Variants in AFAP1 observed in about 807,000 individuals in gnomAD.
AFAP1 encodes the protein actin filament-associated protein 1.
A neutral mutation model predicts 93.9 loss-of-function variants in AFAP1; 75 were observed. The ratio of observed to expected loss-of-function variants is 0.80; its 90% confidence interval spans 0.66 to 0.97. The LOEUF (loss-of-function observed/expected upper bound fraction) is 0.97, where lower values mean the gene tolerates loss of function less well. Among genes scored for constraint, AFAP1 ranks in the 50% least tolerant of loss-of-function variants. The pLI is 0.00. For missense variants in AFAP1, 1,201 were observed against 1,050.8 expected (o/e 1.14, Z -1.98); for synonymous variants, 517 against 430.7 (o/e 1.20, Z -2.48).
intron 5 of AFAP1, chr4:7,842,910 T>C (rs753615892): frequency 5.7e-6 from 3 of 529,876 alleles, no homozygotes; most frequent in Non-Finnish European, 1.0e-5. Flanking sequence ...GTTCGCTGGC[T>C]GCTTTTGGAG....
chr4:7,764,131 T>G (rs1714210831), intron 17 of AFAP1, among the ~76,000 whole-genome samples: 1 of 152,230 alleles, frequency 6.6e-6, no homozygotes, highest in Non-Finnish European at 1.5e-5. Context: ...AAGGGCCTTC[T>G]GACACACGCT....
At chr4:7,787,338 A>T (rs549788278) in intron 11 of AFAP1, among the ~76,000 whole-genome samples, 2 of 152,246 alleles carry the variant, frequency 1.3e-5, no homozygotes, top group Non-Finnish European at 2.9e-5. Flanking sequence ...CTTTCATAGT[A>T]AACTGGTAAT....
intron 16 of AFAP1, among the ~76,000 whole-genome samples, chr4:7,770,274 GA>G (rs1715235847): frequency 6.6e-6 from 1 of 152,200 alleles, no homozygotes; most frequent in South Asian, 2.1e-4. Context: ...GGGCCAGAGG[GA>G]AGCTCGAGCC....
At chr4:7,818,633 C>T (rs779303030) in intron 7 of AFAP1, among the ~76,000 whole-genome samples, 5 of 152,214 alleles carry the variant, frequency 3.3e-5, no homozygotes, top group Non-Finnish European at 7.3e-5. Context: ...AGGCCATCCC[C>T]GCCCACTGCT....
At position 7,838,651 on chromosome 4, in the gene AFAP1, C is replaced by T. The variant is rs764597040; in HGVS notation, c.599G>A (p.Gly200Asp). The change falls in exon 6 of 18, where the codon GGC (glycine) becomes GAC (aspartate). Residue 200 changes from glycine (G) to aspartate (D), a missense_variant. Coordinates refer to ENST00000420658, the MANE Select transcript of AFAP1 (RefSeq NM_001134647.2). ...QQPQMELPLQGCNITYIPKDS... is the reference protein window; with the variant it reads ...QQPQMELPLQDCNITYIPKDS... ...TTTCGGGATGTACGTAATGTTACAG[C>T]CTTGGAGTGGCAGTTCCATCTGAGG... is the stretch of plus-strand genomic sequence containing the variant. The T allele has an allele frequency of 1.9e-6, 3 of 1,614,106 alleles. No individual in the cohort carries two copies. Among genetic ancestry groups the T allele is most frequent in the Non-Finnish European group, 2.5e-6 (3 of 1,180,028 alleles).
At chr4:7,836,994 G>T (rs1712381653) in intron 6 of AFAP1, among the ~76,000 whole-genome samples, 1 of 152,088 alleles carries the variant, frequency 6.6e-6, no homozygotes, top group African/African-American at 2.4e-5. Context: ...AAAATGACAT[G>T]AACAAGTACA....
intron 4 of AFAP1, among the ~76,000 whole-genome samples, chr4:7,851,386 C>T (rs1472755167): frequency 6.6e-6 from 1 of 152,194 alleles, no homozygotes; most frequent in African/African-American, 2.4e-5. Flanking sequence ...TGCCTCTTCC[C>T]TCAACAACCA....
chr4:7,865,650 C>A (rs1253952179), intron 3 of AFAP1, among the ~76,000 whole-genome samples: 4 of 152,188 alleles, frequency 2.6e-5, no homozygotes, highest in East Asian at 1.9e-4. Flanking sequence ...AAGAAGACAA[C>A]ACAGAAGTGA....
chr4:7,934,177 T>C (rs754054844), intron 1 of AFAP1, among the ~76,000 whole-genome samples: 2 of 152,202 alleles, frequency 1.3e-5, no homozygotes, highest in Non-Finnish European at 2.9e-5. Context: ...AGGTAAGTGA[T>C]TGCCTTTCCT....
chr4:7,931,722 T>C (rs1721079266), intron 1 of AFAP1, among the ~76,000 whole-genome samples: 1 of 151,988 alleles, frequency 6.6e-6, no homozygotes, highest in South Asian at 2.1e-4. Flanking sequence ...TGCAACCACT[T>C]TGAAAATGTA....
chr4:7,927,600 G>C (rs1233876369), intron 1 of AFAP1, among the ~76,000 whole-genome samples: 3 of 152,168 alleles, frequency 2.0e-5, no homozygotes, highest in Non-Finnish European at 2.9e-5. Context: ...CGAGGCAGGA[G>C]GATCACTTGA....
intron 4 of AFAP1, among the ~76,000 whole-genome samples, chr4:7,852,016 C>G (rs1269281150): frequency 2.6e-5 from 4 of 152,234 alleles, no homozygotes; most frequent in Non-Finnish European, 5.9e-5. Context: ...ATTCACTGAT[C>G]TTGCCACAGA....
At chr4:7,850,971 C>T (rs970509041) in intron 4 of AFAP1, among the ~76,000 whole-genome samples, 5 of 151,960 alleles carry the variant, frequency 3.3e-5, no homozygotes, top group Non-Finnish European at 7.4e-5. Flanking sequence ...CAACAGCTCC[C>T]GCAAGTGTGC....
intron 1 of AFAP1, among the ~76,000 whole-genome samples, chr4:7,888,090 G>A (rs1340280974): frequency 6.6e-6 from 1 of 152,106 alleles, no homozygotes; most frequent in Non-Finnish European, 1.5e-5. Context: ...GCCTCACAAA[G>A]TGCTGGGATT....
intron 14 of AFAP1, chr4:7,775,225 A>T: frequency 4.3e-6 from 1 of 230,950 alleles, no homozygotes; most frequent in Non-Finnish European, 8.4e-6. Flanking sequence ...AACACAAAGC[A>T]TTATTTTGCT....
intron 4 of AFAP1, among the ~76,000 whole-genome samples, chr4:7,853,429 G>C (rs914361397): frequency 2.6e-5 from 4 of 152,186 alleles, no homozygotes; most frequent in African/African-American, 9.6e-5. Flanking sequence ...GCGGGGACAG[G>C]GACTGCCGCA....
At chr4:7,891,743 TAAAAAAAAAA>T (rs778916445) in intron 1 of AFAP1, among the ~76,000 whole-genome samples, 1 of 62,802 alleles carries the variant, frequency 1.6e-5, no homozygotes, top group African/African-American at 6.4e-5. Context: ...ATGGTCTCAT[TAAAAAAAAAA>T]AAAAAAAAAA....
chr4:7,887,499 C>T (rs2149202949), intron 1 of AFAP1, among the ~76,000 whole-genome samples: 1 of 152,302 alleles, frequency 6.6e-6, no homozygotes, highest in East Asian at 1.9e-4. Context: ...TAAAATAAAT[C>T]AAAGTTGGAA....
intron 8 of AFAP1, 26 bp from the exon 9 acceptor site, chr4:7,809,789 A>T (rs1719852394): frequency 3.8e-6 from 6 of 1,594,128 alleles, no homozygotes; most frequent in African/African-American, 1.4e-5. Context: ...ACAGCAAAAA[A>T]GCATGTTTTA....
Sources: gnomAD v4.1 joint callset for allele counts (sites outside exome capture counted in the v4.1 genomes callset) on GRCh38, gnomAD v4.1.1 for gene constraint, MANE v1.5 for transcripts, NCBI Gene and HGNC (gene_info 2026-07-23, HGNC 2026-07-21) for gene names.